Variants in FAT3 observed in about 807,000 individuals in gnomAD.
FAT3 encodes protocadherin Fat 3.
A neutral mutation model predicts 310.2 loss-of-function variants in FAT3; 95 were observed. The observed-to-expected ratio is 0.31, with a 90% CI of 0.26 to 0.36. The LOEUF (loss-of-function observed/expected upper bound fraction) is 0.36. FAT3 is among the 10% of genes least tolerant of loss of function. The pLI, the probability that FAT3 is intolerant of heterozygous loss-of-function variation, is 1.00. For synonymous variants in FAT3, 2,314 were observed against 2,192.9 expected, an observed-to-expected ratio of 1.06 and a Z score of -1.54; for missense variants, 5,408 against 5,715.6, an observed-to-expected ratio of 0.95 and a Z score of 1.74.
At chr11:92,240,020 T>G (rs1266710327) in intron 1 of FAT3, among the ~76,000 whole-genome samples, 1 of 152,102 alleles carries the variant, frequency 6.6e-6, no homozygotes, top group Non-Finnish European at 1.5e-5. Flanking sequence ...TAAGAGTTAT[T>G]TTTTATGCCT....
intron 1 of FAT3, among the ~76,000 whole-genome samples, chr11:92,326,166 A>G (rs544965791): frequency 4.6e-5 from 7 of 152,326 alleles, no homozygotes; most frequent in Non-Finnish European, 7.3e-5. Context: ...TTGAAGCTTC[A>G]GTTTACCTAT....
At chr11:92,252,475 A>G (rs1179967943) in intron 1 of FAT3, among the ~76,000 whole-genome samples, 1 of 152,136 alleles carries the variant, frequency 6.6e-6, no homozygotes, top group Non-Finnish European at 1.5e-5. Flanking sequence ...AGCTAGGACC[A>G]TTATGACCAT....
intron 4 of FAT3, among the ~76,000 whole-genome samples, chr11:92,751,391 T>C (rs1052053324): frequency 1.3e-5 from 2 of 152,128 alleles, no homozygotes; most frequent in Non-Finnish European, 2.9e-5. Flanking sequence ...AAATAAGACG[T>C]AGAGAGAAAC....
intron 2 of FAT3, among the ~76,000 whole-genome samples, chr11:92,468,189 G>A (rs1187864803): frequency 6.6e-6 from 1 of 152,152 alleles, no homozygotes; most frequent in Non-Finnish European, 1.5e-5. Context: ...GAGCTTTTGA[G>A]ATTTTAGAAT....
chr11:92,594,719 G>A (rs1044378762), intron 3 of FAT3, among the ~76,000 whole-genome samples: 25 of 151,954 alleles, frequency 1.6e-4, no homozygotes, highest in African/African-American at 5.6e-4. Flanking sequence ...TTCGTAACTC[G>A]GAGGCCTTTA....
At chr11:92,838,705 G>A (rs1168443890) in intron 17 of FAT3, among the ~76,000 whole-genome samples, 1 of 152,172 alleles carries the variant, frequency 6.6e-6, no homozygotes, top group Non-Finnish European at 1.5e-5. Context: ...TGGGTGGAAG[G>A]TGAAATGTGA....
intron 3 of FAT3, among the ~76,000 whole-genome samples, chr11:92,570,538 T>C (rs1955635403): frequency 6.6e-6 from 1 of 152,192 alleles, no homozygotes; most frequent in South Asian, 2.1e-4. Flanking sequence ...CAGCCATCCA[T>C]CCTTAGCCAC....
chr11:92,568,058 T>A (rs555910451), intron 3 of FAT3, among the ~76,000 whole-genome samples: 2 of 151,996 alleles, frequency 1.3e-5, no homozygotes, highest in East Asian at 3.9e-4. Context: ...TAAAAAAAAA[T>A]TCATGCCATT....
intron 1 of FAT3, among the ~76,000 whole-genome samples, chr11:92,320,877 A>T (rs1034841542): frequency 6.7e-5 from 9 of 134,038 alleles, no homozygotes; most frequent in African/African-American, 3.1e-4. Context: ...CTCAAAAAAA[A>T]AAAGGGGGGG....
At chr11:92,808,954 T>A (rs2136209119) in intron 12 of FAT3, among the ~76,000 whole-genome samples, 1 of 152,166 alleles carries the variant, frequency 6.6e-6, no homozygotes, top group Admixed American at 6.5e-5. Context: ...AATAAATAAA[T>A]AAATGAATAT....
At chr11:92,694,950 G>A (rs76468921) in intron 3 of FAT3, among the ~76,000 whole-genome samples, 1,688 of 152,246 alleles carry the variant, frequency 0.011, 38 homozygotes, top group African/African-American at 0.038. Context: ...AAAAATGAAG[G>A]TGTCAGATAT....
At chr11:92,503,689 G>A (rs1158586587) in intron 2 of FAT3, among the ~76,000 whole-genome samples, 3 of 151,942 alleles carry the variant, frequency 2.0e-5, no homozygotes, top group Non-Finnish European at 4.4e-5. Context: ...TCTCATTACA[G>A]ACAACACACT....
intron 14 of FAT3, among the ~76,000 whole-genome samples, chr11:92,833,054 C>T (rs1003592694): frequency 3.9e-5 from 6 of 152,214 alleles, no homozygotes; most frequent in Non-Finnish European, 7.3e-5. Context: ...CTGGGGCTTT[C>T]TCTTCACCAG....
chr11:92,398,639 C>CATAT (rs1949941593), intron 2 of FAT3, among the ~76,000 whole-genome samples: 2 of 152,026 alleles, frequency 1.3e-5, no homozygotes, highest in Non-Finnish European at 2.9e-5. Context: ...CACATTCTGA[C>CATAT]ATATACTTGG....
intron 3 of FAT3, among the ~76,000 whole-genome samples, chr11:92,664,473 G>A (rs554974426): frequency 1.1e-3 from 165 of 152,246 alleles, no homozygotes; most frequent in African/African-American, 3.9e-3. Context: ...GATTATTGAT[G>A]TGCTGTTTCT....
intron 2 of FAT3, among the ~76,000 whole-genome samples, chr11:92,414,043 C>T (rs952595153): frequency 5.3e-5 from 8 of 152,226 alleles, no homozygotes; most frequent in Non-Finnish European, 1.0e-4. Flanking sequence ...GGAGGTCTGG[C>T]GGTGCTGCCT....
intron 1 of FAT3, among the ~76,000 whole-genome samples, chr11:92,287,848 G>C (rs535745895): frequency 4.4e-4 from 67 of 152,212 alleles, no homozygotes; most frequent in Admixed American, 2.1e-3. Context: ...CTGTGCTGCT[G>C]TGAAATGATC....
In FAT3 at chr11:92,806,214, A is replaced by G. The variant is rs1947502795; in HGVS notation, c.9094-148A>G. Reference sequence around the variant, plus strand: ...GCAGATATACTGTGTTTCATAATATATTGAAATATGTTTCTGTAGTGAAGG... The same window carrying G: ...GCAGATATACTGTGTTTCATAATATGTTGAAATATGTTTCTGTAGTGAAGG... On this transcript the variant is annotated intron_variant, in intron 11 of 27. Coordinates refer to ENST00000525166, the MANE Select transcript of FAT3 (RefSeq NM_001367949.2). 6 of 669,830 alleles carry G rather than the reference A, an allele frequency of 9.0e-6. No individual in the cohort carries two copies. In the Admixed American group the frequency reaches 1.8e-4, roughly 20 times the overall value. The allele number at this position is 669,830 out of a possible 1,614,324, so 41.5% of individuals were successfully genotyped here.
intron 3 of FAT3, among the ~76,000 whole-genome samples, chr11:92,563,816 A>G (rs1207008320): frequency 1.3e-5 from 2 of 152,128 alleles, no homozygotes; most frequent in East Asian, 1.9e-4. Context: ...GAAATAAAAT[A>G]CTTTACAGAC....
Sources: gnomAD v4.1 joint callset for allele counts (sites outside exome capture counted in the v4.1 genomes callset) on GRCh38, gnomAD v4.1.1 for gene constraint, MANE v1.5 for transcripts, NCBI Gene and HGNC (gene_info 2026-07-23, HGNC 2026-07-21) for gene names.